SOX6: variants seen among roughly 807,000 people sequenced by gnomAD.
SOX6 encodes transcription factor SOX-6.
Under a neutral mutation model 97.8 loss-of-function variants are expected in SOX6, and 11 were observed. The ratio of observed to expected loss-of-function variants is 0.11; its 90% CI spans 0.07 to 0.19. The LOEUF is 0.19. Among genes scored for constraint, SOX6 ranks in the 10% least tolerant of loss-of-function variants. The probability of loss-of-function intolerance (pLI) is 1.00; values close to 1 mark genes in which losing one functional copy is unlikely to be tolerated. For missense variants in SOX6, 810 were observed against 1,039.5 expected (o/e 0.78, Z 3.04); for synonymous variants, 360 against 371.4 (o/e 0.97, Z 0.35).
At chr11:16,247,734 A>G (rs1009439783) in intron 3 of SOX6, among the ~76,000 whole-genome samples, 9 of 152,128 alleles carry the variant, frequency 5.9e-5, no homozygotes, top group Non-Finnish European at 1.0e-4. Context: ...AAGAACTACA[A>G]TTCAAGATGA....
chr11:16,334,907 A>G (rs976963817), intron 2 of SOX6, among the ~76,000 whole-genome samples: 2 of 152,122 alleles, frequency 1.3e-5, no homozygotes, highest in Non-Finnish European at 2.9e-5. Context: ...TTTAATTTAA[A>G]CAATTTAGAT....
chr11:16,020,171 C>T (rs1198990345), intron 12 of SOX6, among the ~76,000 whole-genome samples: 21 of 152,116 alleles, frequency 1.4e-4, no homozygotes, highest in Admixed American at 1.4e-3. Flanking sequence ...TGATTTGTCT[C>T]ACTGCTTTTC....
rs368380294 is a variant in SOX6, at chr11:16,521,315, C to T, written n.610-44927G>A. Among the ~76,000 whole-genome samples the T allele has an allele frequency of 1.5e-4, 23 of 152,240 alleles. No homozygotes were observed. In the South Asian group the frequency reaches 1.9e-3, roughly 12 times the overall value. Reference sequence around the variant, plus strand: ...AGGAACGATCAGACAGCAGCATTCGCGATTCACGAAAATCCACTGTTCTGC... The same window carrying T: ...AGGAACGATCAGACAGCAGCATTCGTGATTCACGAAAATCCACTGTTCTGC... On this transcript the variant is annotated intron_variant and non_coding_transcript_variant, in intron 4 of 5. Transcript: ENST00000524520.
chr11:16,010,124 CTA>C (rs1491433508), intron 13 of SOX6, among the ~76,000 whole-genome samples: 1 of 90,024 alleles, frequency 1.1e-5, no homozygotes, highest in Non-Finnish European at 2.2e-5. Context: ...GCAGTTGGAG[CTA>C]CACACACACA....
intron 3 of SOX6, among the ~76,000 whole-genome samples, chr11:16,235,004 T>C (rs1206171000): frequency 6.6e-6 from 1 of 152,014 alleles, no homozygotes; most frequent in Non-Finnish European, 1.5e-5. Context: ...TTCCTATTAG[T>C]TTAACATTAG....
At chr11:16,539,180 C>G (rs1861360898) in intron 4 of SOX6, among the ~76,000 whole-genome samples, 1 of 152,234 alleles carries the variant, frequency 6.6e-6, no homozygotes, top group Admixed American at 6.5e-5. Context: ...TGACTCAAAA[C>G]TGCACAACTA....
At chr11:16,570,722 C>T (rs1035244713) in intron 4 of SOX6, among the ~76,000 whole-genome samples, 1 of 152,164 alleles carries the variant, frequency 6.6e-6, no homozygotes, top group Non-Finnish European at 1.5e-5. Flanking sequence ...AAAAGATCAA[C>T]ATTCTTTAGT....
chr11:16,528,839 A>T (rs1245805057), intron 4 of SOX6, among the ~76,000 whole-genome samples: 1 of 152,096 alleles, frequency 6.6e-6, no homozygotes, highest in Admixed American at 6.6e-5. Context: ...ACAGGCCATA[A>T]GAAAAGCACT....
intron 4 of SOX6, among the ~76,000 whole-genome samples, chr11:16,539,937 G>C (rs1189141672): frequency 6.6e-6 from 1 of 152,094 alleles, no homozygotes. Context: ...CCAATCAATA[G>C]AAAAAGAGGG....
intron 6 of SOX6, among the ~76,000 whole-genome samples, chr11:16,164,687 G>C (rs1158290291): frequency 6.6e-6 from 1 of 152,042 alleles, no homozygotes; most frequent in Non-Finnish European, 1.5e-5. Flanking sequence ...GCCAGGGGTA[G>C]TGGTGTGCAC....
chr11:16,355,517 A>G (rs2134366376), intron 1 of SOX6, among the ~76,000 whole-genome samples: 1 of 152,204 alleles, frequency 6.6e-6, no homozygotes, highest in South Asian at 2.1e-4. Context: ...AGTCTTGCTT[A>G]GTTATAGCAG....
intron 4 of SOX6, among the ~76,000 whole-genome samples, chr11:16,604,244 C>A (rs1848305916): frequency 6.6e-6 from 1 of 152,238 alleles, no homozygotes; most frequent in African/African-American, 2.4e-5. Flanking sequence ...CAGGGCAGGA[C>A]TTGCCAGGTG....
At chr11:16,643,344 T>C (rs1046040044) in intron 3 of SOX6, among the ~76,000 whole-genome samples, 1 of 152,168 alleles carries the variant, frequency 6.6e-6, no homozygotes, top group South Asian at 2.1e-4. Flanking sequence ...GCCTCCCAGT[T>C]AGGCTACTCA....
chr11:16,410,932 T>C (rs1309055162), intron 1 of SOX6, among the ~76,000 whole-genome samples: 1 of 150,682 alleles, frequency 6.6e-6, no homozygotes, highest in African/African-American at 2.4e-5. Context: ...ATATGACTAC[T>C]ATGTGATACT....
intron 1 of SOX6, among the ~76,000 whole-genome samples, chr11:16,475,962 T>C (rs1457633537): frequency 6.6e-6 from 1 of 152,186 alleles, no homozygotes; most frequent in Non-Finnish European, 1.5e-5. Flanking sequence ...CAGAAGACTA[T>C]CAGAAGTTAT....
intron 9 of SOX6, among the ~76,000 whole-genome samples, chr11:16,070,619 C>T (rs1466420830): frequency 6.6e-6 from 1 of 152,102 alleles, no homozygotes; most frequent in Non-Finnish European, 1.5e-5. Flanking sequence ...TGAACACTGA[C>T]CCTGCAAGCC....
chr11:16,567,600 G>A (rs61883867), intron 4 of SOX6, among the ~76,000 whole-genome samples: 23,088 of 126,468 alleles, frequency 0.18, 2,362 homozygotes, highest in Admixed American at 0.34. Context: ...ACGGAGTCTC[G>A]CTCTGTCGCC....
At chr11:16,656,991 A>T (rs1847725009) in intron 3 of SOX6, among the ~76,000 whole-genome samples, 1 of 152,222 alleles carries the variant, frequency 6.6e-6, no homozygotes, top group African/African-American at 2.4e-5. Context: ...CATAGTTTAC[A>T]TTAGAGTTTA....
At chr11:16,248,476 C>G (rs1159129123) in intron 3 of SOX6, among the ~76,000 whole-genome samples, 1 of 152,192 alleles carries the variant, frequency 6.6e-6, no homozygotes, top group African/African-American at 2.4e-5. Context: ...CATACATCCT[C>G]TGAAATCTAG....
Sources: gnomAD v4.1 joint callset for allele counts (sites outside exome capture counted in the v4.1 genomes callset) on GRCh38, gnomAD v4.1.1 for gene constraint, MANE v1.5 for transcripts, NCBI Gene and HGNC (gene_info 2026-07-23, HGNC 2026-07-21) for gene names.